Variants in PAH observed in about 807,000 individuals in gnomAD.
The protein encoded by PAH is phenylalanine hydroxylase, also known as phenylalanine-4-hydroxylase.
PAH carries 64 observed loss-of-function variants against 62.0 expected under a neutral mutation model. The observed-to-expected ratio is 1.03, with a 90% CI of 0.84 to 1.27. The LOEUF (loss-of-function observed/expected upper bound fraction) is 1.27. PAH is among the 50% of genes most tolerant of loss of function. PAH has a pLI of 0.00. For missense variants in PAH, 579 were observed against 542.8 expected (o/e 1.07, Z -0.66); for synonymous variants, 195 against 196.2 (o/e 0.99, Z 0.05).
intron 1 of PAH, among the ~76,000 whole-genome samples, chr12:102,930,994 G>A (rs1383032102): frequency 6.6e-6 from 1 of 152,076 alleles, no homozygotes; most frequent in Non-Finnish European, 1.5e-5. Flanking sequence ...TATTCTCTCT[G>A]AAGATAATGA....
chr12:102,893,554 G>A (rs1232138412), intron 3 of PAH, among the ~76,000 whole-genome samples: 1 of 152,074 alleles, frequency 6.6e-6, no homozygotes, highest in Non-Finnish European at 1.5e-5. Flanking sequence ...GCTATCATTT[G>A]TCCAGCCCTA....
At chr12:102,866,123 G>C (rs918352695) in intron 5 of PAH, among the ~76,000 whole-genome samples, 2 of 151,274 alleles carry the variant, frequency 1.3e-5, no homozygotes, top group Non-Finnish European at 2.9e-5. Context: ...TTCACAGCTG[G>C]GTCAGACCAG....
chr12:102,894,642 T>C, intron 3 of PAH, 93 bp downstream of exon 3: 4 of 933,138 alleles, frequency 4.3e-6, no homozygotes, highest in South Asian at 4.3e-5. Flanking sequence ...TAAATATACA[T>C]ATATTTAAAT....
Position 102,887,851 on chromosome 12 carries a change from CACG to C in PAH, c.352+6881_352+6883del, listed in dbSNP as rs1423443303. Among the ~76,000 whole-genome samples, 4 of 152,170 alleles carry C rather than the reference CACG, an allele frequency of 2.6e-5. No individual in the cohort carries two copies. In the South Asian group the frequency reaches 6.2e-4, roughly 24 times the overall value. ...TCTAAATTCATGGCCCTTAGTGCATCACGACAATACTCCCTCAATCCAGCATGA... is the reference window on the plus strand; with the variant it reads ...TCTAAATTCATGGCCCTTAGTGCATCACAATACTCCCTCAATCCAGCATGA... On this transcript the variant is annotated intron_variant, in intron 3 of 12. Coordinates refer to ENST00000553106, the MANE Select transcript of PAH (RefSeq NM_000277.3).
upstream of PAH, chr12:102,917,546 C>G: frequency 3.5e-6 from 1 of 286,682 alleles, no homozygotes; most frequent in Non-Finnish European, 6.9e-6. Context: ...TTGGACTAAG[C>G]CTGCGACCGT....
At chr12:102,889,277 C>A (rs1389060732) in intron 3 of PAH, among the ~76,000 whole-genome samples, 1 of 152,142 alleles carries the variant, frequency 6.6e-6, no homozygotes. Flanking sequence ...CAGCACAGTT[C>A]TTCAGGTCAG....
intron 4 of PAH, among the ~76,000 whole-genome samples, chr12:102,876,828 C>T (rs1348845852): frequency 6.6e-6 from 1 of 151,778 alleles, no homozygotes; most frequent in African/African-American, 2.4e-5. Flanking sequence ...GGCTGCAAGA[C>T]ACAGGCCCAG....
rs1232739581 is a variant in PAH, at chr12:102,895,845, ACT to A, written c.169-929_169-928del. ...ACTCCAGCCTGGGCGACAGAGCGAG[ACT>A]CTGTCTCAAAAAAAAAAAAAAAATA... On this transcript the variant is annotated intron_variant, in intron 2 of 12. Coordinates refer to ENST00000553106, the MANE Select transcript of PAH (RefSeq NM_000277.3). Among the ~76,000 whole-genome samples, 238 of 133,768 alleles carry A rather than the reference ACT, an allele frequency of 1.8e-3. 1 individual carries two copies. Among genetic ancestry groups the A allele is most frequent in the African/African-American group, 6.4e-3 (212 of 33,188 alleles). The allele number at this position is 133,768 out of a possible 152,430, so 87.8% of individuals were successfully genotyped here.
Position 102,841,655 on chromosome 12 carries a change from CCCT to C in PAH, c.1200-1143_1200-1141del, listed in dbSNP as rs201459203. Among the ~76,000 whole-genome samples the C allele has an allele frequency of 3.2e-4, 48 of 152,336 alleles. No individual in the cohort carries two copies. In the East Asian group the frequency reaches 7.3e-3, roughly 23 times the overall value. ...CAAATGGCCAAGTATATATTTCCAC[CCCT>C]TCTTCTCTGAAAGGAGCTGTCTCAA... On this transcript the variant is annotated intron_variant, in intron 11 of 12. Coordinates refer to ENST00000553106, the MANE Select transcript of PAH (RefSeq NM_000277.3).
chr12:102,925,934 T>C (rs866527282), intron 1 of PAH, among the ~76,000 whole-genome samples: 3 of 152,138 alleles, frequency 2.0e-5, no homozygotes, highest in African/African-American at 7.2e-5. Context: ...ATGTATGATC[T>C]CAAGACTCTG....
At chr12:102,860,668 T>C (rs560378510) in intron 5 of PAH, among the ~76,000 whole-genome samples, 2 of 152,150 alleles carry the variant, frequency 1.3e-5, no homozygotes, top group East Asian at 3.9e-4. Flanking sequence ...AGAGCCCTCA[T>C]TAATAATACC....
chr12:102,917,214 T>C lies in PAH; in HGVS notation c.-84A>G. ...GCAAACAGCACGTGGGGCTGAAGGTTTTAACCTCGCACTAGGGAGGAGAAG... is the reference window on the plus strand; with the variant it reads ...GCAAACAGCACGTGGGGCTGAAGGTCTTAACCTCGCACTAGGGAGGAGAAG... On this transcript the variant is annotated 5_prime_UTR_variant, in exon 1 of 13. Coordinates refer to ENST00000553106, the MANE Select transcript of PAH (RefSeq NM_000277.3). 1.7e-6 allele frequency: 2 copies of C among 1,179,286 alleles called. No individual in the cohort carries two copies. Among genetic ancestry groups the C allele is most frequent in the Non-Finnish European group, 2.5e-6 (2 of 788,156 alleles). 73.1% of individuals were successfully genotyped at this position (1,179,286 alleles called of 1,614,324 possible).
intron 1 of PAH, among the ~76,000 whole-genome samples, chr12:102,936,723 A>G (rs999149846): frequency 6.6e-6 from 1 of 152,068 alleles, no homozygotes; most frequent in African/African-American, 2.4e-5. Context: ...TTCCATTGGC[A>G]TGAAGTATGT....
chr12:102,907,500 G>A (rs968270429), intron 2 of PAH, among the ~76,000 whole-genome samples: 3 of 152,146 alleles, frequency 2.0e-5, no homozygotes, highest in Non-Finnish European at 4.4e-5. Flanking sequence ...AGTTTAATGC[G>A]GATTAAATGA....
chr12:102,923,119 G>A lies in PAH; in HGVS notation c.-95-5894C>T, dbSNP rs555665297. On this transcript the variant is annotated intron_variant, in intron 1 of 3. Coordinates refer to the PAH transcript ENST00000546844. Reference sequence around the variant, plus strand: ...TACAGAAAGACCAGACATCACTTGAGTAAATCAAGAGGTCTGCTGAGTCAA... The same window carrying A: ...TACAGAAAGACCAGACATCACTTGAATAAATCAAGAGGTCTGCTGAGTCAA... Among the ~76,000 whole-genome samples, 7 of 152,302 alleles carry A rather than the reference G, an allele frequency of 4.6e-5. No individual in the cohort carries two copies. The East Asian group carries it at 1.2e-3, about 25-fold the overall frequency.
Position 102,839,120 on chromosome 12 carries a change from A to G in PAH, c.*55T>C. On this transcript the variant is annotated 3_prime_UTR_variant, in exon 13 of 13. Coordinates refer to ENST00000553106, the MANE Select transcript of PAH (RefSeq NM_000277.3). ...TCGGACTTTTTCTGATGAAAGAAAT[A>G]GTTGGATCTCCATCAACAGATTCAC... 1 of 1,518,496 alleles carries G rather than the reference A, an allele frequency of 6.6e-7. No individual in the cohort carries two copies. Among genetic ancestry groups the G allele is most frequent in the Non-Finnish European group, 9.1e-7 (1 of 1,093,360 alleles). 94.1% of individuals were successfully genotyped at this position (1,518,496 alleles called of 1,614,324 possible). A position where few individuals can be genotyped will look rare whatever the true frequency, so the allele number is the denominator to read the frequency against.
At chr12:102,955,729 C>T (rs980681382), upstream of PAH, among the ~76,000 whole-genome samples, 1 of 152,098 alleles carries the variant, frequency 6.6e-6, no homozygotes. Context: ...GTGCTCACCT[C>T]CTATACTTCC....
At chr12:102,854,693 G>T in intron 6 of PAH, 1 of 250,968 alleles carries the variant, frequency 4.0e-6, no homozygotes, top group Non-Finnish European at 7.8e-6. Context: ...ATTGAAGGCA[G>T]GATTCATACC....
At chr12:102,841,717 C>T (rs1034388971) in intron 11 of PAH, among the ~76,000 whole-genome samples, 2 of 152,244 alleles carry the variant, frequency 1.3e-5, no homozygotes, top group Non-Finnish European at 2.9e-5. Context: ...TGTTACACAT[C>T]TGTGATTTTG....
Sources: allele counts gnomAD v4.1 joint callset (sites outside exome capture counted in the v4.1 genomes callset), GRCh38; gene constraint gnomAD v4.1.1; transcripts MANE v1.5; gene names NCBI Gene and HGNC (gene_info 2026-07-23, HGNC 2026-07-21).